The following LPP variants were observed in gnomAD, a reference collection of about 807,000 sequenced individuals.
LPP encodes the protein LIM domain containing preferred translocation partner in lipoma.
Under a neutral mutation model 60.4 loss-of-function variants are expected in LPP, and 38 were observed. That is an observed-to-expected ratio of 0.63 (90% CI 0.49 to 0.83). LPP has a LOEUF of 0.83. Ranked by LOEUF, LPP falls within the 40% of genes least tolerant of loss-of-function variation. The pLI is 0.00. For synonymous variants in LPP, 328 were observed against 290.8 expected, an observed-to-expected ratio of 1.13 and a Z score of -1.30; for missense variants, 902 against 783.6, an observed-to-expected ratio of 1.15 and a Z score of -1.80.
intron 9 of LPP, among the ~76,000 whole-genome samples, chr3:188,850,809 T>A (rs1762515119): frequency 6.6e-6 from 1 of 152,070 alleles, no homozygotes; most frequent in Admixed American, 6.6e-5. Flanking sequence ...GGGCGCCACA[T>A]GATGAAGGGA....
chr3:188,454,438 C>T (rs543782415), intron 4 of LPP, among the ~76,000 whole-genome samples: 7 of 152,174 alleles, frequency 4.6e-5, no homozygotes, highest in South Asian at 2.1e-4. Context: ...TTTAAATTTA[C>T]GATTTGAGAT....
At chr3:188,434,203 A>T (rs1195580983) in intron 4 of LPP, among the ~76,000 whole-genome samples, 1 of 152,220 alleles carries the variant, frequency 6.6e-6, no homozygotes, top group African/African-American at 2.4e-5. Context: ...TGACATAAAT[A>T]GTGGTAAGAA....
chr3:188,199,683 T>C (rs1268340516), intron 1 of LPP, among the ~76,000 whole-genome samples: 1 of 152,138 alleles, frequency 6.6e-6, no homozygotes, highest in African/African-American at 2.4e-5. Context: ...CGACTGCTTA[T>C]GTAACCCTGG....
At chr3:188,356,980 A>G (rs1767783815) in intron 3 of LPP, among the ~76,000 whole-genome samples, 1 of 152,204 alleles carries the variant, frequency 6.6e-6, no homozygotes, top group Admixed American at 6.5e-5. Flanking sequence ...CCACAACTTG[A>G]ACTTTTCATT....
At chr3:188,299,734 C>A (rs781537725) in intron 2 of LPP, among the ~76,000 whole-genome samples, 2 of 152,046 alleles carry the variant, frequency 1.3e-5, no homozygotes, top group African/African-American at 4.8e-5. Context: ...GTTTTGGAAC[C>A]CTTTTAGAAA....
At chr3:188,802,146 T>C (rs1027117708) in intron 9 of LPP, among the ~76,000 whole-genome samples, 2 of 152,222 alleles carry the variant, frequency 1.3e-5, no homozygotes, top group Admixed American at 1.3e-4. Flanking sequence ...GTAATAACTC[T>C]AAATGGTCAA....
intron 5 of LPP, among the ~76,000 whole-genome samples, chr3:188,521,659 A>G (rs1818907754): frequency 6.6e-6 from 1 of 152,224 alleles, no homozygotes. Flanking sequence ...GAAAATCATC[A>G]TAATTATAGC....
At chr3:188,704,864 A>G (rs1865169709) in intron 7 of LPP, among the ~76,000 whole-genome samples, 1 of 152,092 alleles carries the variant, frequency 6.6e-6, no homozygotes, top group Non-Finnish European at 1.5e-5. Context: ...TAGCTCACCG[A>G]GAAGCCCTAA....
chr3:188,219,614 G>A (rs1715033142), intron 1 of LPP, among the ~76,000 whole-genome samples: 1 of 152,124 alleles, frequency 6.6e-6, no homozygotes, highest in Admixed American at 6.6e-5. Context: ...GTTTTGCTGT[G>A]AAACATTTAT....
intron 6 of LPP, among the ~76,000 whole-genome samples, chr3:188,525,156 C>T (rs1015448547): frequency 7.1e-4 from 108 of 151,644 alleles, no homozygotes; most frequent in Non-Finnish European, 1.6e-4. Context: ...TAGTAGAGAC[C>T]GGGTTTCACC....
chr3:188,744,873 G>C (rs1725633598), intron 8 of LPP, among the ~76,000 whole-genome samples: 1 of 152,024 alleles, frequency 6.6e-6, no homozygotes, highest in South Asian at 2.1e-4. Context: ...TTGGGCCCAG[G>C]ACTCCAGTCC....
chr3:188,477,647 TTC>T (rs769450740), intron 4 of LPP, among the ~76,000 whole-genome samples: 9 of 152,300 alleles, frequency 5.9e-5, no homozygotes, highest in Non-Finnish European at 1.2e-4. Flanking sequence ...TACTGAAAAT[TTC>T]TGTTTTGTGC....
At chr3:188,852,027 G>A (rs1313003651) in intron 9 of LPP, among the ~76,000 whole-genome samples, 1 of 152,146 alleles carries the variant, frequency 6.6e-6, no homozygotes, top group Admixed American at 6.5e-5. Context: ...AGCCAGGCAT[G>A]ATGGCACGTG....
At chr3:188,780,880 T>A (rs1739419833) in intron 9 of LPP, among the ~76,000 whole-genome samples, 1 of 152,268 alleles carries the variant, frequency 6.6e-6, no homozygotes, top group South Asian at 2.1e-4. Flanking sequence ...GCTGGGCAGC[T>A]GATTCCAGTA....
chr3:188,261,866 A>G (rs1733773385), intron 2 of LPP, among the ~76,000 whole-genome samples: 1 of 152,202 alleles, frequency 6.6e-6, no homozygotes, highest in African/African-American at 2.4e-5. Context: ...GCAGTGAGCT[A>G]GAACGGTGCC....
intron 9 of LPP, among the ~76,000 whole-genome samples, chr3:188,766,322 A>G (rs530316113): frequency 7.3e-6 from 1 of 137,064 alleles, no homozygotes; most frequent in East Asian, 2.2e-4. Context: ...CTAAACTTCT[A>G]CTGATGAAAA....
rs550541617 is a variant in LPP at position 188,291,585 on chromosome 3, GC to G, written c.-66-50077del. ...GGTGTGAACCCAGGAGGCGGAGCTT[GC>G]AGTGAGCTGAGATCATGCCACTGCA... On this transcript the variant is annotated intron_variant, in intron 2 of 11. Transcript: ENST00000617246. Among the ~76,000 whole-genome samples the G allele has an allele frequency of 2.7e-5, 4 of 148,722 alleles. No homozygotes were observed. In the Admixed American group the frequency reaches 2.7e-4, roughly 10 times the overall value.
intron 6 of LPP, among the ~76,000 whole-genome samples, chr3:188,564,045 G>A (rs962944843): frequency 6.6e-6 from 1 of 151,978 alleles, no homozygotes; most frequent in Non-Finnish European, 1.5e-5. Context: ...GGTACTTAAC[G>A]CAATAAAAAT....
At chr3:188,652,528 C>T (rs914857267) in intron 7 of LPP, among the ~76,000 whole-genome samples, 3 of 151,846 alleles carry the variant, frequency 2.0e-5, no homozygotes, top group Admixed American at 6.6e-5. Context: ...AAAACAGAAC[C>T]GATTCTGTAA....
Sources: gnomAD v4.1 joint callset for allele counts (sites outside exome capture counted in the v4.1 genomes callset) on GRCh38, gnomAD v4.1.1 for gene constraint, MANE v1.5 for transcripts, NCBI Gene and HGNC (gene_info 2026-07-23, HGNC 2026-07-21) for gene names.